Variants in RAB3GAP1 observed in about 807,000 individuals in gnomAD.
RAB3GAP1 encodes the protein rab3 GTPase-activating protein catalytic subunit.
RAB3GAP1 carries 86 observed loss-of-function variants against 130.7 expected under a neutral mutation model. The observed-to-expected ratio is 0.66, with a 90% CI of 0.55 to 0.79. The LOEUF (loss-of-function observed/expected upper bound fraction) is 0.79. Among genes scored for constraint, RAB3GAP1 ranks in the 30% least tolerant of loss-of-function variants. The probability of loss-of-function intolerance (pLI) is 0.00; values close to 1 mark genes in which losing one functional copy is unlikely to be tolerated. For synonymous variants in RAB3GAP1, 367 were observed against 401.7 expected (o/e 0.91, Z 1.03); for missense variants, 1,029 against 1,169.4 (o/e 0.88, Z 1.75).
chr2:135,117,483 GCTT>G (rs1367442367), intron 7 of RAB3GAP1, among the ~76,000 whole-genome samples: 693 of 27,804 alleles, frequency 0.025, 10 homozygotes, highest in Middle Eastern at 0.17. Flanking sequence ...TGCTTCTTCT[GCTT>G]CTTCTTCTGC....
chr2:135,159,202 C>A (rs948949290), intron 19 of RAB3GAP1, among the ~76,000 whole-genome samples: 1 of 152,146 alleles, frequency 6.6e-6, no homozygotes, highest in Non-Finnish European at 1.5e-5. Context: ...ATAGATACTC[C>A]ACCCTCAAGG....
chr2:135,164,696 G>T lies in RAB3GAP1; in HGVS notation c.2709G>T (p.Arg903Ser), dbSNP rs779094190. ...IIHKLFVNAQ[R>S]AAAMTPPEEE... ...ACAAGCTGTTTGTGAATGCCCAGAGGGTATGTGAGAGTCATTATTGACTCC... is the reference window on the plus strand; with the variant it reads ...ACAAGCTGTTTGTGAATGCCCAGAGTGTATGTGAGAGTCATTATTGACTCC... Residue 903 changes from arginine (R) to serine (S), a missense_variant and splice_region_variant, in exon 23 of 24, where the codon AGG (arginine) becomes AGT (serine). This residue lies in a region of RAB3GAP1 where 146 missense variants were observed against 143.7 expected (regional missense o/e 1.02). Transcript: ENST00000264158. The T allele has an allele frequency of 6.3e-7, 1 of 1,596,696 alleles. No individual in the cohort carries two copies. Among genetic ancestry groups the T allele is most frequent in the Non-Finnish European group, 8.6e-7 (1 of 1,165,182 alleles).
intron 11 of RAB3GAP1, among the ~76,000 whole-genome samples, chr2:135,127,353 GTTTGT>G (rs1691382144): frequency 6.6e-6 from 1 of 150,730 alleles, no homozygotes; most frequent in African/African-American, 2.4e-5. Flanking sequence ...TTGTTTGTTT[GTTTGT>G]TTTGAGAGGG....
intron 5 of RAB3GAP1, among the ~76,000 whole-genome samples, chr2:135,102,937 C>G (rs1690489174): frequency 6.7e-6 from 1 of 148,298 alleles, no homozygotes; most frequent in African/African-American, 2.5e-5. Context: ...ATTGCCTGAA[C>G]CCGGTAGGCA....
chr2:135,075,910 C>CTT (rs996535280), intron 3 of RAB3GAP1, among the ~76,000 whole-genome samples: 62 of 126,714 alleles, frequency 4.9e-4, no homozygotes, highest in Admixed American at 1.1e-3. Context: ...TAACAGATTT[C>CTT]TTTTTTTTTT....
rs186988190 is a variant in RAB3GAP1, at chr2:135,124,016, A to G, written c.749-149A>G. 150 of 669,066 alleles carry G rather than the reference A, an allele frequency of 2.2e-4. No homozygotes were observed. The African/African-American group carries it at 2.3e-3, about 10-fold the overall frequency. The allele number at this position is 669,066 out of a possible 1,614,324, so 41.4% of individuals were successfully genotyped here. A position where few individuals can be genotyped will look rare whatever the true frequency, so the allele number is the denominator to read the frequency against. On this transcript the variant is annotated intron_variant, in intron 8 of 23. Transcript: ENST00000264158. ...TGGGGAAGTCAAATATTGTTAGACT[A>G]CATATGCTGTAAGTTGGTCTAACTT...
In RAB3GAP1 at chr2:135,074,513, G is replaced by T. The variant is rs189837753; in HGVS notation, c.150+16427G>T. Reference sequence around the variant, plus strand: ...TGAACTCTTACCCGATTGGGTGGCGGGTCAGACATCTTTTTACTGGCCCTG... The same window carrying T: ...TGAACTCTTACCCGATTGGGTGGCGTGTCAGACATCTTTTTACTGGCCCTG... On this transcript the variant is annotated intron_variant, in intron 3 of 23. Coordinates refer to ENST00000264158, the MANE Select transcript of RAB3GAP1 (RefSeq NM_012233.3). Among the ~76,000 whole-genome samples, 7 of 152,330 alleles carry T rather than the reference G, an allele frequency of 4.6e-5. No individual in the cohort carries two copies. The East Asian group carries it at 7.7e-4, about 17-fold the overall frequency.
intron 3 of RAB3GAP1, among the ~76,000 whole-genome samples, chr2:135,080,018 G>A (rs1689745286): frequency 6.6e-6 from 1 of 151,302 alleles, no homozygotes; most frequent in Non-Finnish European, 1.5e-5. Context: ...TCGGGAGGCT[G>A]AGGCAGGAGA....
chr2:135,089,897 G>T, intron 3 of RAB3GAP1: 1 of 352,214 alleles, frequency 2.8e-6, no homozygotes, highest in Non-Finnish European at 5.7e-6. Context: ...GAGAACACGT[G>T]GACACAGGGA....
Position 135,169,011 on chromosome 2 carries a change from A to C in RAB3GAP1, c.*230A>C. Reference sequence around the variant, plus strand: ...CTGTTGAGAGATTTCTGCCCTAGAGATGGCCTTTGTATATGGGGGGGTGGT... The same window carrying C: ...CTGTTGAGAGATTTCTGCCCTAGAGCTGGCCTTTGTATATGGGGGGGTGGT... On this transcript the variant is annotated 3_prime_UTR_variant, in exon 24 of 24. Coordinates refer to ENST00000264158, the MANE Select transcript of RAB3GAP1 (RefSeq NM_012233.3). The C allele has an allele frequency of 3.8e-6, 1 of 260,544 alleles. No individual in the cohort carries two copies. 16.1% of individuals were successfully genotyped at this position (260,544 alleles called of 1,614,324 possible).
At chr2:135,121,018 C>T (rs1475393592) in intron 8 of RAB3GAP1, 100 bp downstream of exon 8, 1 of 893,570 alleles carries the variant, frequency 1.1e-6, no homozygotes, top group Non-Finnish European at 1.9e-6. Context: ...AAGTGTTTTA[C>T]ATTAGAAATA....
At chr2:135,092,319 G>A (rs1013176315) in intron 4 of RAB3GAP1, among the ~76,000 whole-genome samples, 1 of 152,192 alleles carries the variant, frequency 6.6e-6, no homozygotes, top group African/African-American at 2.4e-5. Flanking sequence ...TTTAAGTGCT[G>A]TTAATTTAAG....
Position 135,141,228 on chromosome 2 carries a change from C to CTTCTTT in RAB3GAP1, c.1923+5298_1923+5299insCTTTTT, listed in dbSNP as rs767817881. Among the ~76,000 whole-genome samples, 47 of 132,450 alleles carry CTTCTTT rather than the reference C, an allele frequency of 3.5e-4. 1 individual carries two copies. The highest frequency in any genetic ancestry group is 6.9e-4 in the African/African-American group (25 of 35,974). The allele number at this position is 132,450 out of a possible 152,430, so 86.9% of individuals were successfully genotyped here. On this transcript the variant is annotated intron_variant, in intron 17 of 23. Coordinates refer to ENST00000264158, the MANE Select transcript of RAB3GAP1 (RefSeq NM_012233.3). ...TTGTTGCTTATCTATTCACTTACTT[C>CTTCTTT]TTTTTTTTTTTTTTTTGAGACAGTC...
chr2:135,074,138 C>A (rs1689554662), intron 3 of RAB3GAP1, among the ~76,000 whole-genome samples: 1 of 152,192 alleles, frequency 6.6e-6, no homozygotes, highest in Admixed American at 6.5e-5. Context: ...GGAAGACTCA[C>A]TGTCTGGGTG....
chr2:135,090,964 G>A (rs781606966), intron 3 of RAB3GAP1, 34 bp from the exon 4 acceptor site: 7 of 1,574,484 alleles, frequency 4.4e-6, no homozygotes, highest in Non-Finnish European at 4.4e-6. Flanking sequence ...TATTGATTAA[G>A]GTAAATATTT....
chr2:135,141,963 A>G (rs1032804297), intron 17 of RAB3GAP1, among the ~76,000 whole-genome samples: 17 of 152,154 alleles, frequency 1.1e-4, no homozygotes, highest in African/African-American at 3.9e-4. Flanking sequence ...TAATAAGTCT[A>G]TCTGGTAGTG....
At chr2:135,110,781 ATTGTACT>A (rs1404751341) in intron 5 of RAB3GAP1, among the ~76,000 whole-genome samples, 1 of 152,200 alleles carries the variant, frequency 6.6e-6, no homozygotes, top group Non-Finnish European at 1.5e-5. Flanking sequence ...TCAATAGGGG[ATTGTACT>A]TTTGAAAAGA....
At chr2:135,067,582 A>T (rs1278174868) in intron 3 of RAB3GAP1, among the ~76,000 whole-genome samples, 1 of 152,244 alleles carries the variant, frequency 6.6e-6, no homozygotes, top group African/African-American at 2.4e-5. Context: ...TAAGAGGCAG[A>T]ATAGCACACA....
intron 3 of RAB3GAP1, among the ~76,000 whole-genome samples, chr2:135,087,129 T>G (rs893867859): frequency 2.0e-5 from 3 of 152,250 alleles, no homozygotes; most frequent in African/African-American, 7.2e-5. Context: ...TCATGTTTTC[T>G]TCCATGTGAA....
Sources: allele counts gnomAD v4.1 joint callset (sites outside exome capture counted in the v4.1 genomes callset), GRCh38; gene constraint gnomAD v4.1.1; regional missense constraint gnomAD v4.1.1; transcripts MANE v1.5; gene names NCBI Gene and HGNC (gene_info 2026-07-23, HGNC 2026-07-21).